The following KAZN variants were observed in gnomAD, a reference collection of about 807,000 sequenced individuals.
KAZN encodes kazrin.
KAZN carries 40 observed loss-of-function variants against 87.4 expected under a neutral mutation model. The ratio of observed to expected loss-of-function variants is 0.46; its 90% CI spans 0.36 to 0.60. The LOEUF is 0.60. Among genes scored for constraint, KAZN ranks in the 20% least tolerant of loss-of-function variants. KAZN has a pLI of 0.00. For synonymous variants in KAZN, 466 were observed against 458.3 expected (o/e 1.02, Z -0.22); for missense variants, 898 against 1,073.9 (o/e 0.84, Z 2.29).
intron 2 of KAZN, among the ~76,000 whole-genome samples, chr1:14,285,598 C>T (rs1016866646): frequency 1.3e-5 from 2 of 152,216 alleles, no homozygotes; most frequent in Non-Finnish European, 2.9e-5. Flanking sequence ...CTACTCGCCA[C>T]TTTATCCATA....
At chr1:13,904,078 T>C (rs1639349467) in intron 1 of KAZN, among the ~76,000 whole-genome samples, 1 of 152,142 alleles carries the variant, frequency 6.6e-6, no homozygotes, top group African/African-American at 2.4e-5. Context: ...AGGCAGGGTC[T>C]ACAATGTCAT....
intron 2 of KAZN, among the ~76,000 whole-genome samples, chr1:14,295,138 G>C (rs1249578773): frequency 6.6e-6 from 1 of 152,096 alleles, no homozygotes; most frequent in Non-Finnish European, 1.5e-5. Context: ...GGACAAATAT[G>C]TATCAGATGG....
Position 14,209,737 on chromosome 1 carries a change from G to T in KAZN, c.249+29145G>T, listed in dbSNP as rs1646814613. ...GTATTTATAACTGGTAATTGTAATT[G>T]TTTGTATAGCAGTTCAATATTGGCT... On this transcript the variant is annotated intron_variant, in intron 2 of 16. Coordinates refer to the KAZN transcript ENST00000636203. Among the ~76,000 whole-genome samples the T allele has an allele frequency of 2.6e-5, 4 of 152,258 alleles. No homozygotes were observed. In the South Asian group the frequency reaches 6.2e-4, roughly 24 times the overall value.
rs557637239 is a variant in KAZN, at chr1:14,050,279, A to G, written c.92-130156A>G. On this transcript the variant is annotated intron_variant, in intron 1 of 16. Coordinates refer to the KAZN transcript ENST00000636203. Reference sequence around the variant, plus strand: ...GCCTGTGCACATGTGTTTGCATACTATAATTTGGAGCACTGGATACTTCTC... The same window carrying G: ...GCCTGTGCACATGTGTTTGCATACTGTAATTTGGAGCACTGGATACTTCTC... Among the ~76,000 whole-genome samples the G allele has an allele frequency of 1.6e-4, 25 of 152,316 alleles. No individual in the cohort carries two copies. The South Asian group carries it at 4.3e-3, about 27-fold the overall frequency.
chr1:14,344,672 G>A (rs934970142), intron 2 of KAZN, among the ~76,000 whole-genome samples: 11 of 152,142 alleles, frequency 7.2e-5, no homozygotes, highest in Admixed American at 4.6e-4. Flanking sequence ...ACTAAGAGGG[G>A]AGAGACATCC....
chr1:14,686,915 A>C (rs1046995461), intron 1 of KAZN, among the ~76,000 whole-genome samples: 2 of 152,232 alleles, frequency 1.3e-5, no homozygotes, highest in African/African-American at 4.8e-5. Flanking sequence ...TAACCAAGCT[A>C]TTAACGCCCT....
At chr1:14,759,245 G>A (rs1644665583) in intron 1 of KAZN, among the ~76,000 whole-genome samples, 1 of 152,182 alleles carries the variant, frequency 6.6e-6, no homozygotes, top group Admixed American at 6.5e-5. Context: ...GATAATTGAT[G>A]TGGCCAAGTT....
At chr1:15,048,168 C>T (rs994263661) in intron 4 of KAZN, among the ~76,000 whole-genome samples, 8 of 152,246 alleles carry the variant, frequency 5.3e-5, no homozygotes, top group Admixed American at 1.3e-4. Flanking sequence ...GGAGCCAACT[C>T]TGGGCCGCCC....
At chr1:14,924,224 G>C (rs1658874390) in intron 1 of KAZN, 1 of 981,204 alleles carries the variant, frequency 1.0e-6, no homozygotes, top group African/African-American at 1.8e-5. Context: ...CCCTGGTCCG[G>C]CGCGCGCCGC....
At chr1:14,601,389 G>A (rs1463764186) in intron 1 of KAZN, among the ~76,000 whole-genome samples, 1 of 152,076 alleles carries the variant, frequency 6.6e-6, no homozygotes, top group Non-Finnish European at 1.5e-5. Flanking sequence ...TTACTTGTCT[G>A]TAGCAACAGT....
At chr1:14,104,465 C>A (rs577688951) in intron 1 of KAZN, among the ~76,000 whole-genome samples, 2 of 152,252 alleles carry the variant, frequency 1.3e-5, no homozygotes, top group South Asian at 4.2e-4. Context: ...TGAGAGAGCA[C>A]CCCCTTGCTC....
At chr1:14,550,212 A>T (rs1382497139) in intron 2 of KAZN, among the ~76,000 whole-genome samples, 1 of 152,176 alleles carries the variant, frequency 6.6e-6, no homozygotes, top group Non-Finnish European at 1.5e-5. Flanking sequence ...AGTTCTCTAC[A>T]CTCATGAAAT....
intron 2 of KAZN, among the ~76,000 whole-genome samples, chr1:14,476,439 G>T (rs1325833602): frequency 6.6e-6 from 1 of 152,154 alleles, no homozygotes; most frequent in Non-Finnish European, 1.5e-5. Context: ...AGAAGTGAGG[G>T]CGACCTTTAT....
At chr1:14,896,259 T>A (rs1655263664) in intron 1 of KAZN, among the ~76,000 whole-genome samples, 1 of 152,152 alleles carries the variant, frequency 6.6e-6, no homozygotes, top group African/African-American at 2.4e-5. Context: ...TTCACCATGT[T>A]GGCCAGGATG....
intron 1 of KAZN, among the ~76,000 whole-genome samples, chr1:14,824,378 G>A (rs572697822): frequency 6.6e-6 from 1 of 152,164 alleles, no homozygotes; most frequent in African/African-American, 2.4e-5. Flanking sequence ...CAATAAAAGT[G>A]CATTGACTAC....
At chr1:14,528,337 C>CAAA (rs33960231) in intron 2 of KAZN, among the ~76,000 whole-genome samples, 161 of 49,176 alleles carry the variant, frequency 3.3e-3, no homozygotes, top group South Asian at 4.4e-3. Context: ...GACTCCATCT[C>CAAA]AAAAAAAAAA....
chr1:14,280,320 A>C, intron 2 of KAZN, among the ~76,000 whole-genome samples: 1 of 136,494 alleles, frequency 7.3e-6, no homozygotes. Flanking sequence ...GCAGTGAGCC[A>C]AGATCGCGCC....
At chr1:14,535,429 A>G (rs1431254145) in intron 2 of KAZN, among the ~76,000 whole-genome samples, 1 of 152,230 alleles carries the variant, frequency 6.6e-6, no homozygotes, top group Non-Finnish European at 1.5e-5. Context: ...GCACTTTGGG[A>G]GGCCAAGGCG....
At chr1:14,687,578 TTC>T (rs1251962163) in intron 1 of KAZN, among the ~76,000 whole-genome samples, 1 of 152,156 alleles carries the variant, frequency 6.6e-6, no homozygotes, top group Non-Finnish European at 1.5e-5. Flanking sequence ...TAGAAGAACT[TTC>T]CAGGCCAGCG....
Sources: gnomAD v4.1 joint callset for allele counts (sites outside exome capture counted in the v4.1 genomes callset) on GRCh38, gnomAD v4.1.1 for gene constraint, MANE v1.5 for transcripts, NCBI Gene and HGNC (gene_info 2026-07-23, HGNC 2026-07-21) for gene names.